The following LRMDA variants were observed in gnomAD, a reference collection of about 807,000 sequenced individuals.
LRMDA encodes leucine rich melanocyte differentiation associated.
Under a neutral mutation model 29.8 loss-of-function variants are expected in LRMDA, and 18 were observed. The observed-to-expected ratio is 0.60, with a 90% CI of 0.42 to 0.90. The LOEUF (loss-of-function observed/expected upper bound fraction) is 0.90, where lower values mean the gene tolerates loss of function less well. Among genes scored for constraint, LRMDA ranks in the 40% least tolerant of loss-of-function variants. The pLI, the probability that LRMDA is intolerant of heterozygous loss-of-function variation, is 0.00. For synonymous variants in LRMDA, 125 were observed against 109.4 expected, an observed-to-expected ratio of 1.14 and a Z score of -0.89; for missense variants, 273 against 273.9, an observed-to-expected ratio of 1.00 and a Z score of 0.02.
intron 2 of LRMDA, among the ~76,000 whole-genome samples, chr10:75,964,399 C>T (rs1846820882): frequency 6.6e-6 from 1 of 152,212 alleles, no homozygotes; most frequent in Non-Finnish European, 1.5e-5. Flanking sequence ...TATTTAATTT[C>T]TACCATTTAA....
chr10:75,708,298 A>G (rs868120657), intron 2 of LRMDA, among the ~76,000 whole-genome samples: 3 of 152,128 alleles, frequency 2.0e-5, no homozygotes, highest in Middle Eastern at 3.2e-3. Flanking sequence ...CTCTCATAAC[A>G]CATTCCCATT....
intron 5 of LRMDA, among the ~76,000 whole-genome samples, chr10:76,185,018 G>A (rs1490869545): frequency 6.6e-6 from 1 of 152,300 alleles, no homozygotes; most frequent in Non-Finnish European, 1.5e-5. Flanking sequence ...CATTGTATAA[G>A]TGTAATGCAG....
At chr10:75,559,446 G>A (rs1163297574) in intron 2 of LRMDA, among the ~76,000 whole-genome samples, 1 of 151,778 alleles carries the variant, frequency 6.6e-6, no homozygotes, top group East Asian at 1.9e-4. Flanking sequence ...TTTGTCAGAT[G>A]AGTAGGTTGC....
intron 5 of LRMDA, among the ~76,000 whole-genome samples, chr10:76,266,974 A>G (rs1453678027): frequency 6.6e-6 from 1 of 152,122 alleles, no homozygotes; most frequent in African/African-American, 2.4e-5. Context: ...GGAAAATGAT[A>G]CAGGAGGGAC....
At chr10:75,578,508 A>G (rs1840540956) in intron 2 of LRMDA, among the ~76,000 whole-genome samples, 1 of 152,108 alleles carries the variant, frequency 6.6e-6, no homozygotes, top group African/African-American at 2.4e-5. Context: ...AAAATTAACA[A>G]GGATATCCAG....
At chr10:76,212,654 G>A (rs368497353) in intron 5 of LRMDA, among the ~76,000 whole-genome samples, 3 of 152,228 alleles carry the variant, frequency 2.0e-5, no homozygotes, top group South Asian at 4.1e-4. Context: ...CTTATTGCAA[G>A]TGGATGCATT....
chr10:75,553,143 A>G (rs1469520314), intron 2 of LRMDA, among the ~76,000 whole-genome samples: 1 of 152,186 alleles, frequency 6.6e-6, no homozygotes, highest in Non-Finnish European at 1.5e-5. Context: ...GATAATGCAT[A>G]TAAAAGAACA....
intron 5 of LRMDA, among the ~76,000 whole-genome samples, chr10:76,066,291 A>G (rs1233250607): frequency 1.3e-5 from 2 of 152,130 alleles, no homozygotes; most frequent in Admixed American, 1.3e-4. Context: ...ATGCACAGAA[A>G]CTTCCCTGAT....
At chr10:76,183,295 T>C (rs1006028474) in intron 5 of LRMDA, among the ~76,000 whole-genome samples, 3 of 152,232 alleles carry the variant, frequency 2.0e-5, no homozygotes, top group Non-Finnish European at 4.4e-5. Context: ...AATTTTTCCA[T>C]GACCCATTTA....
chr10:76,381,021 C>CG (rs1841584734), intron 6 of LRMDA, among the ~76,000 whole-genome samples: 1 of 96,916 alleles, frequency 1.0e-5, no homozygotes, highest in Non-Finnish European at 2.2e-5. Flanking sequence ...TTTATCTTTG[C>CG]TTTTTTTTTT....
At chr10:75,794,625 A>G (rs1161257988) in intron 2 of LRMDA, among the ~76,000 whole-genome samples, 1 of 152,106 alleles carries the variant, frequency 6.6e-6, no homozygotes, top group Non-Finnish European at 1.5e-5. Context: ...TTTTGACTAT[A>G]TTTATTCTAT....
chr10:75,839,807 C>T (rs546034660), intron 2 of LRMDA, among the ~76,000 whole-genome samples: 154 of 146,168 alleles, frequency 1.1e-3, no homozygotes, highest in African/African-American at 3.9e-3. Context: ...CTCCCAGGTT[C>T]GCGCCATTCT....
chr10:76,236,133 G>A (rs1589387794), intron 5 of LRMDA, among the ~76,000 whole-genome samples: 1 of 152,172 alleles, frequency 6.6e-6, no homozygotes, highest in South Asian at 2.1e-4. Flanking sequence ...GGCAGAGGCA[G>A]GTTAGAACCC....
Position 75,823,373 on chromosome 10 carries a change from TC to T in LRMDA, c.132-212634del, listed in dbSNP as rs1235204423. Reference sequence around the variant, plus strand: ...ATGAAAAACTGTTCCCTATCACTAATCATCAGAGAAATGCAAATTAAAAACA... The same window carrying T: ...ATGAAAAACTGTTCCCTATCACTAATATCAGAGAAATGCAAATTAAAAACA... On this transcript the variant is annotated intron_variant, in intron 2 of 6. Transcript: ENST00000611255. 7.9e-5 allele frequency among the ~76,000 whole-genome samples: 12 copies of T among 152,248 alleles called. No individual in the cohort carries two copies. The East Asian group carries it at 2.3e-3, about 29-fold the overall frequency.
At chr10:75,793,989 T>C (rs1321662022) in intron 2 of LRMDA, among the ~76,000 whole-genome samples, 1 of 152,256 alleles carries the variant, frequency 6.6e-6, no homozygotes, top group Admixed American at 6.5e-5. Flanking sequence ...ATAGGAAATA[T>C]GTGCACACAT....
intron 2 of LRMDA, among the ~76,000 whole-genome samples, chr10:75,754,511 A>G (rs1843006293): frequency 1.3e-5 from 2 of 152,230 alleles, no homozygotes; most frequent in South Asian, 2.1e-4. Context: ...GAAAAATTGA[A>G]TACATTCTTT....
Position 75,739,041 on chromosome 10 carries a change from C to G in LRMDA, c.132-296967C>G, listed in dbSNP as rs114733066. The stretch of plus-strand genomic sequence containing the variant: ...CACACACTGACCGTTAAATTACCTC[C>G]TATCAGGCCTGGGCTGTGTGGCCGC... On this transcript the variant is annotated intron_variant, in intron 2 of 6. Transcript: ENST00000611255. 1.2e-3 allele frequency among the ~76,000 whole-genome samples: 190 copies of G among 152,322 alleles called. 1 individual carries two copies. Among genetic ancestry groups the G allele is most frequent in the African/African-American group, 4.5e-3 (185 of 41,560 alleles).
At chr10:76,278,440 C>T (rs1193249509) in intron 5 of LRMDA, among the ~76,000 whole-genome samples, 1 of 152,190 alleles carries the variant, frequency 6.6e-6, no homozygotes, top group Non-Finnish European at 1.5e-5. Context: ...TATCATCACT[C>T]ATGTCCCCTA....
Position 75,515,736 on chromosome 10 carries a change from G to C in LRMDA, c.131+77242G>C, listed in dbSNP as rs370398860. Among the ~76,000 whole-genome samples the C allele has an allele frequency of 9.8e-4, 149 of 151,868 alleles. 3 individuals carry two copies. The South Asian group carries it at 0.031, about 31-fold the overall frequency. On this transcript the variant is annotated intron_variant, in intron 2 of 6. Coordinates refer to ENST00000611255, the MANE Select transcript of LRMDA (RefSeq NM_001305581.2). ...TTTAAATTATACTTTAAGTTCTAGG[G>C]TACACGTGCACAATGTGCAGGTTTG...
Sources: gnomAD v4.1 joint callset for allele counts (sites outside exome capture counted in the v4.1 genomes callset) on GRCh38, gnomAD v4.1.1 for gene constraint, MANE v1.5 for transcripts, NCBI Gene and HGNC (gene_info 2026-07-23, HGNC 2026-07-21) for gene names.